Variants in CAB39 observed in about 807,000 individuals in gnomAD.
CAB39 encodes calcium-binding protein 39.
In CAB39, 8 loss-of-function variants were observed where a neutral mutation model predicts 40.0. The observed-to-expected ratio is 0.20, with a 90% CI of 0.12 to 0.36. The LOEUF is 0.36. Among genes scored for constraint, CAB39 ranks in the 10% least tolerant of loss-of-function variants. The pLI, the probability that CAB39 is intolerant of heterozygous loss-of-function variation, is 1.00. For missense variants in CAB39, 270 were observed against 401.1 expected (o/e 0.67, Z 2.79); for synonymous variants, 156 against 141.6 (o/e 1.10, Z -0.72).
intron 1 of CAB39, among the ~76,000 whole-genome samples, chr2:230,750,029 A>C (rs1695058482): frequency 1.3e-5 from 2 of 152,234 alleles, no homozygotes; most frequent in Admixed American, 1.3e-4. Context: ...CATCTATAGA[A>C]TAGAAATAAT....
intron 2 of CAB39, among the ~76,000 whole-genome samples, chr2:230,775,329 G>A (rs1387773101): frequency 1.3e-5 from 2 of 149,432 alleles, no homozygotes; most frequent in African/African-American, 2.5e-5. Flanking sequence ...TCCGCCTCCC[G>A]GGTTCAACTG....
At chr2:230,720,975 G>A (rs1260139861) in intron 1 of CAB39, among the ~76,000 whole-genome samples, 5 of 152,172 alleles carry the variant, frequency 3.3e-5, no homozygotes, top group Non-Finnish European at 7.3e-5. Context: ...TCCTATGTAT[G>A]TAAGTTTCGT....
chr2:230,788,063 C>T (rs1355744896), intron 2 of CAB39, among the ~76,000 whole-genome samples: 2 of 152,138 alleles, frequency 1.3e-5, no homozygotes, highest in Non-Finnish European at 2.9e-5. Flanking sequence ...CTATATGATC[C>T]TCTAAGTACT....
chr2:230,761,093 T>C (rs1053140666), intron 2 of CAB39, among the ~76,000 whole-genome samples: 5 of 152,086 alleles, frequency 3.3e-5, no homozygotes, highest in African/African-American at 4.8e-5. Context: ...AATATTTGCA[T>C]GTACATAATG....
At chr2:230,782,522 A>G (rs1695704746) in intron 2 of CAB39, among the ~76,000 whole-genome samples, 1 of 151,978 alleles carries the variant, frequency 6.6e-6, no homozygotes, top group South Asian at 2.1e-4. Flanking sequence ...AAAAATATTC[A>G]AGCAAGTCTG....
chr2:230,778,383 C>T (rs1695630982), intron 2 of CAB39, among the ~76,000 whole-genome samples: 1 of 152,152 alleles, frequency 6.6e-6, no homozygotes, highest in Non-Finnish European at 1.5e-5. Context: ...CATAGAAGCA[C>T]TAATGGGTAT....
intron 3 of CAB39, among the ~76,000 whole-genome samples, chr2:230,791,721 A>G (rs1695895755): frequency 6.6e-6 from 1 of 152,196 alleles, no homozygotes; most frequent in Admixed American, 6.5e-5. Flanking sequence ...CTCAGGGCCC[A>G]TTTGCATCTC....
intron 6 of CAB39, among the ~76,000 whole-genome samples, chr2:230,811,080 A>G (rs1195800477): frequency 6.6e-6 from 1 of 152,202 alleles, no homozygotes; most frequent in East Asian, 1.9e-4. Flanking sequence ...TTAACTACAC[A>G]TCGTCGAAGA....
At chr2:230,815,058 C>T (rs575289637) in intron 7 of CAB39, among the ~76,000 whole-genome samples, 1 of 152,354 alleles carries the variant, frequency 6.6e-6, no homozygotes, top group East Asian at 1.9e-4. Context: ...CCCTTGAAGA[C>T]CTTATCTTTC....
At chr2:230,777,501 C>T (rs1421615726) in intron 2 of CAB39, among the ~76,000 whole-genome samples, 1 of 151,370 alleles carries the variant, frequency 6.6e-6, no homozygotes, top group Admixed American at 6.6e-5. Context: ...CTCACTGCAA[C>T]TTCTGCCTCC....
chr2:230,750,295 A>G (rs1217103222), intron 1 of CAB39, among the ~76,000 whole-genome samples: 1 of 152,156 alleles, frequency 6.6e-6, no homozygotes, highest in Admixed American at 6.5e-5. Context: ...CTGTTTTGGG[A>G]CTGGATTAGT....
At chr2:230,722,762 G>A (rs1488512280) in intron 1 of CAB39, among the ~76,000 whole-genome samples, 1 of 152,170 alleles carries the variant, frequency 6.6e-6, no homozygotes, top group Non-Finnish European at 1.5e-5. Context: ...TACGTACTTT[G>A]AAAAATATTT....
chr2:230,737,787 G>T (rs1184629434), intron 1 of CAB39, among the ~76,000 whole-genome samples: 1 of 152,116 alleles, frequency 6.6e-6, no homozygotes, highest in Non-Finnish European at 1.5e-5. Context: ...GATATAAGAT[G>T]CTTTTGTTGT....
intron 2 of CAB39, chr2:230,779,458 A>T (rs149190808): frequency 2.6e-5 from 4 of 152,406 alleles, no homozygotes; most frequent in Non-Finnish European, 5.9e-5. Flanking sequence ...TAGGCAAGTG[A>T]GTGGGCTTGT....
At chr2:230,768,405 C>A (rs925815723) in intron 2 of CAB39, among the ~76,000 whole-genome samples, 32 of 152,214 alleles carry the variant, frequency 2.1e-4, no homozygotes, top group African/African-American at 7.7e-4. Flanking sequence ...TGTTCATCAT[C>A]TTCCCTGTAG....
chr2:230,736,885 C>T (rs899024768), intron 1 of CAB39, among the ~76,000 whole-genome samples: 13 of 152,128 alleles, frequency 8.5e-5, no homozygotes, highest in Non-Finnish European at 1.8e-4. Context: ...GTGGAAGTGG[C>T]CCTTTATAAT....
chr2:230,749,528 G>A (rs1192905866), intron 1 of CAB39, among the ~76,000 whole-genome samples: 1 of 152,048 alleles, frequency 6.6e-6, no homozygotes, highest in Non-Finnish European at 1.5e-5. Flanking sequence ...ATTAACCTTT[G>A]CTATTTTTTC....
At chr2:230,783,075 G>A (rs1406858836) in intron 2 of CAB39, among the ~76,000 whole-genome samples, 3 of 151,946 alleles carry the variant, frequency 2.0e-5, no homozygotes, top group Admixed American at 6.6e-5. Context: ...TGATTCGCCC[G>A]CCTCGGCCTC....
chr2:230,795,241 A>C (rs1695962646), intron 4 of CAB39, among the ~76,000 whole-genome samples: 2 of 151,182 alleles, frequency 1.3e-5, no homozygotes, highest in African/African-American at 2.4e-5. Flanking sequence ...GCGCCACTGC[A>C]CTTTAGCCTG....
Sources: gnomAD v4.1 joint callset for allele counts (sites outside exome capture counted in the v4.1 genomes callset) on GRCh38, gnomAD v4.1.1 for gene constraint, MANE v1.5 for transcripts, NCBI Gene and HGNC (gene_info 2026-07-23, HGNC 2026-07-21) for gene names.